Variants in RABL3 observed in about 807,000 individuals in gnomAD.
RABL3 encodes rab-like protein 3.
RABL3 carries 31 observed loss-of-function variants against 31.8 expected under a neutral mutation model. That is an observed-to-expected ratio of 0.97 (90% CI 0.73 to 1.31). The LOEUF (loss-of-function observed/expected upper bound fraction) is 1.31, where lower values mean the gene tolerates loss of function less well. RABL3 is among the 40% of genes most tolerant of loss of function. The probability of loss-of-function intolerance (pLI) is 0.00; values close to 1 mark genes in which losing one functional copy is unlikely to be tolerated. For synonymous variants in RABL3, 97 were observed against 99.9 expected (o/e 0.97, Z 0.18); for missense variants, 263 against 279.6 (o/e 0.94, Z 0.42).
chr3:120,698,727 T>C lies in RABL3; in HGVS notation c.384-154A>G, dbSNP rs555713487. 6.5e-4 allele frequency among the ~76,000 whole-genome samples: 99 copies of C among 152,372 alleles called. 1 individual carries two copies. The Middle Eastern group carries it at 0.01, about 16-fold the overall frequency. On this transcript the variant is annotated intron_variant, in intron 4 of 7. Transcript: ENST00000273375. ...CCTACTTTCCTTCCAACTTCTTCCA[T>C]CTACTTGTTCTTTTATCAATCCATC...
At chr3:120,690,593 C>CT (rs1024875469) in intron 6 of RABL3, 106 bp from the exon 7 acceptor site, 12 of 752,486 alleles carry the variant, frequency 1.6e-5, no homozygotes, top group Non-Finnish European at 2.8e-5. Context: ...AACTAAGAAT[C>CT]TTTTCCATAG....
intron 3 of RABL3, among the ~76,000 whole-genome samples, chr3:120,708,267 A>G (rs1327542695): frequency 2.6e-5 from 4 of 152,002 alleles, no homozygotes; most frequent in Non-Finnish European, 4.4e-5. Context: ...TATCTGCAAA[A>G]TCAACATAGG....
intron 1 of RABL3, among the ~76,000 whole-genome samples, chr3:120,737,506 G>C (rs1291452691): frequency 2.6e-5 from 4 of 152,226 alleles, no homozygotes; most frequent in African/African-American, 9.6e-5. Flanking sequence ...ATCATCTGAA[G>C]ACTTCTTCTC....
At position 120,685,493 on chromosome 3, in the gene RABL3, T is replaced by C. The variant is rs1233213184; in HGVS notation, c.*4330A>G. The stretch of plus-strand genomic sequence containing the variant: ...TGGCAAGGCACTGGTTAGAAATAAA[T>C]ATATTTGGATTAAAAACAGAACCCA... On this transcript the variant is annotated 3_prime_UTR_variant, in exon 8 of 8. Coordinates refer to ENST00000273375, the MANE Select transcript of RABL3 (RefSeq NM_173825.5). 6.7e-6 allele frequency among the ~76,000 whole-genome samples: 1 copy of C among 149,074 alleles called. No homozygotes were observed. Among genetic ancestry groups the C allele is most frequent in the Non-Finnish European group, 1.5e-5 (1 of 66,606 alleles).
intron 2 of RABL3, among the ~76,000 whole-genome samples, chr3:120,725,487 C>CA (rs1441775961): frequency 6.6e-6 from 1 of 152,188 alleles, no homozygotes; most frequent in African/African-American, 2.4e-5. Context: ...GCTATAAAGA[C>CA]ACATGCACAC....
intron 1 of RABL3, among the ~76,000 whole-genome samples, chr3:120,736,617 C>T (rs908843125): frequency 2.6e-5 from 4 of 152,216 alleles, no homozygotes; most frequent in East Asian, 1.9e-4. Context: ...GATGCAGTTT[C>T]TTCCTAGCCT....
chr3:120,713,765 A>G (rs1708636820), intron 2 of RABL3, among the ~76,000 whole-genome samples: 2 of 151,522 alleles, frequency 1.3e-5, no homozygotes, highest in African/African-American at 4.8e-5. Context: ...ACCTATGTAC[A>G]TAAGGTTTTG....
Position 120,709,812 on chromosome 3 carries a change from C to A in RABL3, c.236G>T (p.Ser79Ile). The A allele has an allele frequency of 6.2e-7, 1 of 1,612,316 alleles. No homozygotes were observed. Among genetic ancestry groups the A allele is most frequent in the Non-Finnish European group, 8.5e-7 (1 of 1,178,612 alleles). Residue 79 changes from serine (S) to isoleucine (I), a missense_variant, in exon 3 of 8, where the codon AGC (serine) becomes ATC (isoleucine). Ser to Ile is a moderately radical substitution (Grantham distance 142). Transcript: ENST00000273375. ...GGAGTTGTAGAATACTGCTCTTGTG[C>A]TTTTCACGCTGCTGGCACTGCCCAC... ...GSVGSASSVK[S>I]TRAVFYNSVN...
chr3:120,733,847 T>C (rs1355791151), intron 1 of RABL3, among the ~76,000 whole-genome samples: 1 of 152,228 alleles, frequency 6.6e-6, no homozygotes, highest in Non-Finnish European at 1.5e-5. Flanking sequence ...CTCAGGTTTG[T>C]CAAAGATTAG....
intron 2 of RABL3, among the ~76,000 whole-genome samples, chr3:120,725,398 A>G (rs1018761067): frequency 1.6e-4 from 24 of 152,360 alleles, no homozygotes; most frequent in African/African-American, 5.3e-4. Context: ...GTGATTCCTC[A>G]GGGATCTAGA....
Position 120,698,493 on chromosome 3 carries a change from G to A in RABL3, c.464C>T (p.Thr155Ile), listed in dbSNP as rs1708462233. 6.2e-7 allele frequency: 1 copy of A among 1,613,820 alleles called. No individual in the cohort carries two copies. The highest frequency in any genetic ancestry group is 1.7e-5 in the Admixed American group (1 of 59,988). ...CCTAGTTAAAACTTCATGGCGCTTT[G>A]TTTCATGAATCTGGTCCAGTTTAGT... ...IGTKLDQIHE[T>I]KRHEVLTRTA... is the part of the protein sequence containing the mutation. Residue 155 changes from threonine (T) to isoleucine (I), a missense_variant, in exon 5 of 8, where the codon ACA becomes ATA. Transcript: ENST00000273375.
chr3:120,742,280 G>T lies in RABL3; in HGVS notation c.46+182C>A, dbSNP rs550032216. ...GCTCCGCGACCCCCACCCGCGCGAC[G>T]ACGCCGCCGCCACCGCGTCGTCACA... On this transcript the variant is annotated intron_variant, in intron 1 of 7. Coordinates refer to ENST00000273375, the MANE Select transcript of RABL3 (RefSeq NM_173825.5). 3.9e-5 allele frequency among the ~76,000 whole-genome samples: 6 copies of T among 151,972 alleles called. No individual in the cohort carries two copies. The East Asian group carries it at 9.7e-4, about 25-fold the overall frequency.
At chr3:120,718,474 A>G (rs765277424) in intron 2 of RABL3, among the ~76,000 whole-genome samples, 1 of 152,176 alleles carries the variant, frequency 6.6e-6, no homozygotes, top group Non-Finnish European at 1.5e-5. Context: ...CCTCTGCTCT[A>G]TAAGTCCTGT....
In RABL3 at chr3:120,685,226, G is replaced by A. The variant is rs1216174269; in HGVS notation, c.*4597C>T. ...AGGTAATGTGAAGCAGGGTGTGACAGGTCTACAGAGTAATCACTCCAAAAC... is the reference window on the plus strand; with the variant it reads ...AGGTAATGTGAAGCAGGGTGTGACAAGTCTACAGAGTAATCACTCCAAAAC... On this transcript the variant is annotated 3_prime_UTR_variant, in exon 8 of 8. Transcript: ENST00000273375. Among the ~76,000 whole-genome samples, 1 of 152,162 alleles carries A rather than the reference G, an allele frequency of 6.6e-6. No individual in the cohort carries two copies. Among genetic ancestry groups the A allele is most frequent in the East Asian group, 1.9e-4 (1 of 5,192 alleles).
chr3:120,697,023 A>G (rs1708444768), intron 5 of RABL3, among the ~76,000 whole-genome samples: 1 of 152,244 alleles, frequency 6.6e-6, no homozygotes, highest in African/African-American at 2.4e-5. Flanking sequence ...CACCTGAGTT[A>G]TTTGTTAAAA....
intron 2 of RABL3, among the ~76,000 whole-genome samples, chr3:120,719,282 A>C (rs1708707407): frequency 1.3e-5 from 2 of 152,210 alleles, no homozygotes; most frequent in Admixed American, 6.5e-5. Context: ...GCGACACAGA[A>C]GACAAATGAT....
chr3:120,715,365 C>T (rs1708656409), intron 2 of RABL3, among the ~76,000 whole-genome samples: 1 of 152,082 alleles, frequency 6.6e-6, no homozygotes, highest in Non-Finnish European at 1.5e-5. Flanking sequence ...ATGGCGAAAC[C>T]TGTCTCTACT....
intron 5 of RABL3, among the ~76,000 whole-genome samples, chr3:120,698,009 A>T (rs1267107698): frequency 6.6e-5 from 10 of 152,118 alleles, no homozygotes; most frequent in East Asian, 3.9e-4. Flanking sequence ...AAAAATATTT[A>T]AAAAATTAGC....
intron 2 of RABL3, among the ~76,000 whole-genome samples, chr3:120,727,057 C>T (rs552917771): frequency 1.3e-5 from 2 of 151,968 alleles, no homozygotes; most frequent in Admixed American, 6.6e-5. Flanking sequence ...ATTTTAGAGT[C>T]TTAGAGCTCT....
Sources: allele counts gnomAD v4.1 joint callset (sites outside exome capture counted in the v4.1 genomes callset), GRCh38; gene constraint gnomAD v4.1.1; transcripts MANE v1.5; gene names NCBI Gene and HGNC (gene_info 2026-07-23, HGNC 2026-07-21).